Variants in HMCN1 observed in about 807,000 individuals in gnomAD.
HMCN1 encodes the protein hemicentin 1, also known as hemicentin-1.
Under a neutral mutation model 625.9 loss-of-function variants are expected in HMCN1, and 321 were observed. The ratio of observed to expected loss-of-function variants is 0.51; its 90% CI spans 0.47 to 0.56. HMCN1 has a LOEUF of 0.56. Ranked by LOEUF, HMCN1 falls within the 20% of genes least tolerant of loss-of-function variation. HMCN1 has a pLI of 0.00. For synonymous variants in HMCN1, 2,425 were observed against 2,417.6 expected (o/e 1.00, Z -0.09); for missense variants, 6,588 against 6,887.3 (o/e 0.96, Z 1.54).
chr1:185,800,045 T>C (rs1658685562), intron 1 of HMCN1, among the ~76,000 whole-genome samples: 1 of 152,168 alleles, frequency 6.6e-6, no homozygotes, highest in Non-Finnish European at 1.5e-5. Context: ...GGCAATGTTC[T>C]AGTGTGCAGC....
Position 185,993,289 on chromosome 1 carries a change from C to T in HMCN1, c.3485C>T (p.Ala1162Val), listed in dbSNP as rs1558125362. Reference protein sequence around the residue: ...ATNIAGNVTQAVKLNVHVPPK... With the variant: ...ATNIAGNVTQVVKLNVHVPPK... The stretch of plus-strand genomic sequence containing the variant: ...AATATTGCTGGGAATGTGACTCAGG[C>T]TGTCAAATTAAATGTCCATGGTGAG... Residue 1162 changes from alanine to valine, a missense_variant, in exon 23 of 107, where the codon GCT becomes GTT. Ala to Val is a moderately conservative substitution (Grantham distance 64, BLOSUM62 0). This residue lies in a region of HMCN1 where 4,628 missense variants were observed against 4,853.1 expected (regional missense o/e 0.95). Coordinates refer to ENST00000271588, the MANE Select transcript of HMCN1 (RefSeq NM_031935.3). 6.2e-7 allele frequency: 1 copy of T among 1,612,952 alleles called. No homozygotes were observed. The highest frequency in any genetic ancestry group is 1.3e-5 in the African/African-American group (1 of 75,000).
chr1:186,118,846 A>C (rs1019707605), intron 77 of HMCN1, among the ~76,000 whole-genome samples: 1 of 152,214 alleles, frequency 6.6e-6, no homozygotes, highest in Non-Finnish European at 1.5e-5. Context: ...GGCTAAGGCC[A>C]GGGTTGTGAG....
chr1:186,113,952 A>AT, intron 72 of HMCN1, 27 bp from the exon 73 acceptor site: 1 of 1,613,788 alleles, frequency 6.2e-7, no homozygotes, highest in Non-Finnish European at 8.5e-7. Context: ...GTCTCACTGA[A>AT]TTTTTTCATG....
rs199774836 is a variant in HMCN1, at chr1:185,927,401, C to G, written c.1431-1145C>G. Among the ~76,000 whole-genome samples the G allele has an allele frequency of 3.8e-3, 579 of 152,276 alleles. 27 individuals are homozygous for G. In the East Asian group the frequency reaches 0.09, roughly 24 times the overall value. On this transcript the variant is annotated intron_variant, in intron 9 of 106. Transcript: ENST00000271588. ...TGAAAGTGACAAGAAGAACCACTGG[C>G]ATGTAGTGCCTACAGAATTGAAAGG...
At chr1:185,887,063 T>C (rs1245622959) in intron 4 of HMCN1, among the ~76,000 whole-genome samples, 1 of 152,160 alleles carries the variant, frequency 6.6e-6, no homozygotes, top group Non-Finnish European at 1.5e-5. Flanking sequence ...CGTCACTTTT[T>C]AGCTTTTAAC....
chr1:186,114,989 T>C lies in HMCN1; in HGVS notation c.11404+43T>C, dbSNP rs1183218882. On this transcript the variant is annotated intron_variant, in intron 74 of 106. Transcript: ENST00000271588. ...GACAACATCCGGTCTCTGTGTCAAA[T>C]GCTCTTTGATTGCCTAAACTAGTGA... 28 of 1,613,428 alleles carry C rather than the reference T, an allele frequency of 1.7e-5. No homozygotes were observed. In the East Asian group the frequency reaches 6.2e-4, roughly 36 times the overall value.
chr1:185,793,508 T>C (rs184034214), intron 1 of HMCN1, among the ~76,000 whole-genome samples: 97 of 152,320 alleles, frequency 6.4e-4, no homozygotes, highest in African/African-American at 2.3e-3. Context: ...TTTAATCATA[T>C]TGGCAAAGTC....
chr1:186,025,876 G>A (rs538141807), intron 36 of HMCN1, among the ~76,000 whole-genome samples: 2 of 152,294 alleles, frequency 1.3e-5, no homozygotes, highest in Non-Finnish European at 2.9e-5. Flanking sequence ...ACAAATCACA[G>A]GATAAAAGTA....
intron 3 of HMCN1, 117 bp from the exon 4 acceptor site, chr1:185,865,623 AC>A: frequency 1.8e-5 from 13 of 729,032 alleles, no homozygotes; most frequent in Non-Finnish European, 2.1e-5. Context: ...ACACACACAC[AC>A]ACACACATTC....
intron 1 of HMCN1, among the ~76,000 whole-genome samples, chr1:185,794,738 C>G (rs989707651): frequency 9.2e-5 from 14 of 151,400 alleles, no homozygotes; most frequent in African/African-American, 3.4e-4. Context: ...TTTGGTAACA[C>G]CCTCACAGAC....
intron 4 of HMCN1, among the ~76,000 whole-genome samples, chr1:185,877,259 G>T (rs573446457): frequency 6.7e-6 from 1 of 149,938 alleles, no homozygotes; most frequent in East Asian, 2.0e-4. Flanking sequence ...AGATCAGTTG[G>T]CTGGGAGTAT....
chr1:185,823,454 G>A (rs900363236), intron 1 of HMCN1, among the ~76,000 whole-genome samples: 1 of 152,078 alleles, frequency 6.6e-6, no homozygotes, highest in Non-Finnish European at 1.5e-5. Flanking sequence ...TAATTTCATG[G>A]TAATAAATAC....
chr1:186,160,102 TGTTATTG>T (rs1281329753), intron 97 of HMCN1, among the ~76,000 whole-genome samples: 1 of 151,774 alleles, frequency 6.6e-6, no homozygotes, highest in African/African-American at 2.4e-5. Context: ...TTTCAGATCC[TGTTATTG>T]GTCTATTCAG....
At chr1:185,892,130 C>T (rs1177642783) in intron 4 of HMCN1, among the ~76,000 whole-genome samples, 2 of 149,194 alleles carry the variant, frequency 1.3e-5, no homozygotes, top group African/African-American at 2.6e-5. Context: ...GCATTCTTCA[C>T]GTAGTTCTCG....
At chr1:185,924,942 A>C in intron 8 of HMCN1, 105 bp from the exon 9 acceptor site, 1 of 991,534 alleles carries the variant, frequency 1.0e-6, no homozygotes, top group Non-Finnish European at 1.5e-6. Context: ...GATTTACTGG[A>C]ATAATTTAAG....
intron 1 of HMCN1, among the ~76,000 whole-genome samples, chr1:185,788,352 A>C (rs1387248994): frequency 6.6e-6 from 1 of 152,242 alleles, no homozygotes; most frequent in Non-Finnish European, 1.5e-5. Context: ...AAGAAAACTG[A>C]GAGATAGTAA....
intron 1 of HMCN1, among the ~76,000 whole-genome samples, chr1:185,804,441 G>A (rs898612360): frequency 6.6e-6 from 1 of 152,024 alleles, no homozygotes; most frequent in African/African-American, 2.4e-5. Flanking sequence ...CCTTGAGAGT[G>A]CTTCACTGAC....
intron 92 of HMCN1, 77 bp from the exon 93 acceptor site, chr1:186,145,676 C>T: frequency 6.2e-7 from 1 of 1,610,642 alleles, no homozygotes; most frequent in Non-Finnish European, 8.5e-7. Flanking sequence ...GTTGTATAGG[C>T]AGGGGCACCC....
chr1:186,122,777 C>G (rs1272224672), intron 80 of HMCN1, among the ~76,000 whole-genome samples, 174 bp from the exon 81 acceptor site: 1 of 152,082 alleles, frequency 6.6e-6, no homozygotes, highest in African/African-American at 2.4e-5. Context: ...TTCTGAAGTG[C>G]GCCCAGATAA....
Sources: gnomAD v4.1 joint callset for allele counts (sites outside exome capture counted in the v4.1 genomes callset) on GRCh38, gnomAD v4.1.1 for gene constraint, gnomAD v4.1.1 regional missense constraint, MANE v1.5 for transcripts, NCBI Gene and HGNC (gene_info 2026-07-23, HGNC 2026-07-21) for gene names.